PDE11A: variants seen among roughly 807,000 people sequenced by gnomAD.
PDE11A encodes the protein phosphodiesterase 11A.
A neutral mutation model predicts 100.5 loss-of-function variants in PDE11A; 100 were observed. That is an observed-to-expected ratio of 1.00 (90% CI 0.85 to 1.18). The LOEUF (loss-of-function observed/expected upper bound fraction) is 1.18, where lower values mean the gene tolerates loss of function less well. Among genes scored for constraint, PDE11A ranks in the 50% most tolerant of loss-of-function variants. The pLI is 0.00. For synonymous variants in PDE11A, 381 were observed against 420.8 expected, an observed-to-expected ratio of 0.91 and a Z score of 1.16; for missense variants, 1,141 against 1,152.6, an observed-to-expected ratio of 0.99 and a Z score of 0.15.
At chr2:177,727,821 T>TTA (rs1358432495) in intron 11 of PDE11A, 56 bp from the exon 12 acceptor site, 10 of 1,091,146 alleles carry the variant, frequency 9.2e-6, no homozygotes, top group Non-Finnish European at 1.3e-5. Flanking sequence ...TAGTGGACCC[T>TTA]TATCTCAATG....
chr2:177,754,802 G>A (rs984756958), intron 10 of PDE11A, among the ~76,000 whole-genome samples: 5 of 152,234 alleles, frequency 3.3e-5, no homozygotes, highest in African/African-American at 9.6e-5. Context: ...TGCTAACACC[G>A]GGTTAACTGT....
At chr2:177,820,010 G>C (rs147046305) in intron 7 of PDE11A, among the ~76,000 whole-genome samples, 161 of 151,278 alleles carry the variant, frequency 1.1e-3, no homozygotes, top group Non-Finnish European at 1.9e-3. Flanking sequence ...AAATTTATTG[G>C]TTCTTTCAAT....
intron 9 of PDE11A, among the ~76,000 whole-genome samples, chr2:177,794,771 TTTGTTTG>T (rs2082681804): frequency 5.7e-5 from 8 of 139,838 alleles, no homozygotes; most frequent in African/African-American, 2.1e-4. Flanking sequence ...CTGGTTTTTG[TTTGTTTG>T]TTTGTTTGTT....
intron 2 of PDE11A, among the ~76,000 whole-genome samples, chr2:178,002,904 C>G (rs1318750548): frequency 6.6e-6 from 1 of 152,070 alleles, no homozygotes; most frequent in African/African-American, 2.4e-5. Context: ...TGAAATTTAT[C>G]AAGAGCCCTT....
intron 17 of PDE11A, among the ~76,000 whole-genome samples, chr2:177,671,612 A>G (rs1230439140): frequency 2.6e-5 from 4 of 152,050 alleles, no homozygotes. Flanking sequence ...ATCAATTTGG[A>G]GACAAACAAG....
At chr2:178,059,936 T>C (rs2086946460) in intron 1 of PDE11A, among the ~76,000 whole-genome samples, 1 of 152,186 alleles carries the variant, frequency 6.6e-6, no homozygotes, top group South Asian at 2.1e-4. Flanking sequence ...TGAAGCTACA[T>C]TTGCCAGCCT....
chr2:177,793,854 A>G (rs1231519373), intron 9 of PDE11A, among the ~76,000 whole-genome samples: 1 of 152,224 alleles, frequency 6.6e-6, no homozygotes, highest in African/African-American at 2.4e-5. Context: ...GTTCACAGCC[A>G]TCTGAAGCTG....
At chr2:177,743,333 A>G (rs1165517785) in intron 10 of PDE11A, among the ~76,000 whole-genome samples, 2 of 152,252 alleles carry the variant, frequency 1.3e-5, no homozygotes, top group African/African-American at 4.8e-5. Context: ...TGTGAAAGAA[A>G]AGAGATAAGA....
At chr2:177,781,405 A>G (rs776189496) in intron 9 of PDE11A, among the ~76,000 whole-genome samples, 1 of 152,250 alleles carries the variant, frequency 6.6e-6, no homozygotes, top group Non-Finnish European at 1.5e-5. Context: ...ACAAAAACAC[A>G]AAGTAAACAC....
intron 10 of PDE11A, among the ~76,000 whole-genome samples, chr2:177,757,486 G>A (rs139411971): frequency 9.9e-4 from 151 of 152,310 alleles, no homozygotes; most frequent in African/African-American, 3.4e-3. Context: ...TTAGTGAACA[G>A]CAATATTTGA....
At chr2:177,983,572 A>G (rs977684759) in intron 2 of PDE11A, among the ~76,000 whole-genome samples, 2 of 152,244 alleles carry the variant, frequency 1.3e-5, no homozygotes, top group African/African-American at 4.8e-5. Flanking sequence ...TAGGCCATCT[A>G]CCAAACCTAA....
chr2:177,665,359 C>T (rs902512000), intron 18 of PDE11A, among the ~76,000 whole-genome samples: 12 of 150,242 alleles, frequency 8.0e-5, no homozygotes, highest in African/African-American at 2.7e-4. Flanking sequence ...ACACACTTGT[C>T]GTCTCAGCTA....
At chr2:177,697,186 T>C (rs2081125099) in intron 15 of PDE11A, 146 bp downstream of exon 15, 5 of 657,838 alleles carry the variant, frequency 7.6e-6, no homozygotes, top group Non-Finnish European at 1.4e-5. Context: ...TTCATTTATA[T>C]CAGAGAGAAA....
intron 4 of PDE11A, among the ~76,000 whole-genome samples, chr2:177,895,412 G>A (rs1414428960): frequency 1.3e-5 from 2 of 151,996 alleles, no homozygotes; most frequent in Non-Finnish European, 2.9e-5. Context: ...AAATTAGCTG[G>A]GTATCGTGGT....
chr2:177,702,017 C>G (rs2081204164), intron 13 of PDE11A, among the ~76,000 whole-genome samples: 1 of 152,092 alleles, frequency 6.6e-6, no homozygotes, highest in African/African-American at 2.4e-5. Context: ...TATTACAGTT[C>G]CCAGCATGTA....
At chr2:177,942,646 C>G (rs2085358616) in intron 2 of PDE11A, among the ~76,000 whole-genome samples, 1 of 152,142 alleles carries the variant, frequency 6.6e-6, no homozygotes. Flanking sequence ...AGGTGATCCA[C>G]CCGCCTCGGC....
intron 2 of PDE11A, among the ~76,000 whole-genome samples, chr2:178,080,387 A>G (rs1157124902): frequency 6.6e-6 from 1 of 152,162 alleles, no homozygotes; most frequent in African/African-American, 2.4e-5. Context: ...TCCCAGCATC[A>G]TTTATTAAAT....
intron 13 of PDE11A, chr2:177,702,692 TG>T (rs1464628420): frequency 2.0e-5 from 3 of 152,166 alleles, no homozygotes; most frequent in African/African-American, 7.2e-5. Context: ...CTGCAATTCT[TG>T]GAAAGACTCC....
intron 19 of PDE11A, among the ~76,000 whole-genome samples, chr2:177,653,995 A>G (rs904528899): frequency 4.5e-4 from 69 of 152,162 alleles, no homozygotes; most frequent in Non-Finnish European, 9.1e-4. Flanking sequence ...CCAATATTTG[A>G]GGATAGCTTA....
Sources: allele counts gnomAD v4.1 joint callset (sites outside exome capture counted in the v4.1 genomes callset), GRCh38; gene constraint gnomAD v4.1.1; transcripts MANE v1.5; gene names NCBI Gene and HGNC (gene_info 2026-07-23, HGNC 2026-07-21).